RNF31: variants seen among roughly 807,000 people sequenced by gnomAD.
RNF31 encodes E3 ubiquitin-protein ligase RNF31.
A neutral mutation model predicts 133.6 loss-of-function variants in RNF31; 38 were observed. The ratio of observed to expected loss-of-function variants is 0.28; its 90% CI spans 0.22 to 0.37. RNF31 has a LOEUF of 0.37. RNF31 is among the 10% of genes least tolerant of loss of function. The pLI, the probability that RNF31 is intolerant of heterozygous loss-of-function variation, is 1.00. For missense variants in RNF31, 1,118 were observed against 1,394.1 expected (o/e 0.80, Z 3.15); for synonymous variants, 582 against 552.3 (o/e 1.05, Z -0.75).
At chr14:24,156,301 GTTTA>G (rs536973040) in intron 14 of RNF31, among the ~76,000 whole-genome samples, 4 of 152,090 alleles carry the variant, frequency 2.6e-5, no homozygotes, top group East Asian at 1.9e-4. Context: ...TTTATCTTTC[GTTTA>G]TTTATTTATT....
chr14:24,152,067 T>A, intron 11 of RNF31, 75 bp downstream of exon 11: 1 of 1,426,190 alleles, frequency 7.0e-7, no homozygotes. Flanking sequence ...CCAGTCTCCA[T>A]CTCTGATCCT....
rs751951347 is a variant in RNF31, at chr14:24,151,574, G to C, written c.1827G>C (p.Leu609=). The C allele has an allele frequency of 3.7e-6, 6 of 1,614,196 alleles. No individual in the cohort carries two copies. The highest frequency in any genetic ancestry group is 1.7e-5 in the Admixed American group (1 of 60,030). Residue 609 remains leucine (L), a synonymous_variant, in exon 10 of 21, where the codon CTG becomes CTC. Coordinates refer to ENST00000324103, the MANE Select transcript of RNF31 (RefSeq NM_017999.5). This position sits in a 1 kb window ranked among gnomAD's most constrained non-coding sequence, Gnocchi z 5.3. ...ACGGAGGTGATGTGTCACGGGCCCT[G>C]ACTGAGCTACAGCGCCAACGCCTAG... is the stretch of plus-strand genomic sequence containing the variant. ...FQHGGDVSRA[L]TELQRQRLEP...
rs1594373350 is a variant in RNF31, at chr14:24,148,074, T to C, written c.291T>C (p.Gly97=). The C allele has an allele frequency of 3.1e-6, 5 of 1,614,188 alleles. No individual in the cohort carries two copies. Among genetic ancestry groups the C allele is most frequent in the Non-Finnish European group, 4.2e-6 (5 of 1,180,030 alleles). ...LSPQRPRYWR[G]VKFNNPVFRS... is the part of the protein sequence containing the mutation. ...CTCAGCGGCCTCGGTACTGGCGTGG[T>C]GTCAAGTTTAATAACCCTGTCTTTC... The change falls in exon 2 of 21, where the codon GGT becomes GGC. Residue 97 remains glycine, a synonymous_variant. Transcript: ENST00000324103.
chr14:24,160,475 G>A lies in RNF31; in HGVS notation c.3166-45G>A. On this transcript the variant is annotated intron_variant, in intron 20 of 20. Coordinates refer to ENST00000324103, the MANE Select transcript of RNF31 (RefSeq NM_017999.5). The surrounding 1 kb of genome is among the most constrained non-coding windows in gnomAD (Gnocchi z 4.0). ...AAGTCACCTGGTGCTGACTGTGTCT[G>A]AGCTCCAGGCTTCCAATATCATTAC... 1.3e-6 allele frequency: 2 copies of A among 1,575,292 alleles called. No homozygotes were observed. Among genetic ancestry groups the A allele is most frequent in the South Asian group, 2.3e-5 (2 of 87,536 alleles).
intron 11 of RNF31, among the ~76,000 whole-genome samples, chr14:24,152,809 C>T (rs959295421): frequency 2.0e-5 from 3 of 152,296 alleles, no homozygotes; most frequent in East Asian, 1.9e-4. Context: ...AGGCTGGGCG[C>T]GGTGGCTCAC....
In RNF31 at chr14:24,150,135, CT is replaced by C; in HGVS notation, c.885del (p.Asn296IlefsTer17). The C allele has an allele frequency of 6.2e-7, 1 of 1,612,580 alleles. No individual in the cohort carries two copies. Among genetic ancestry groups the C allele is most frequent in the Non-Finnish European group, 8.5e-7 (1 of 1,178,788 alleles). Reference sequence around the variant, plus strand: ...CTGGGAGACAGCTCTCTTTCTTCCCCTAATCCTGCAAGTGCTCATTTGCCCT... The same window carrying C: ...CTGGGAGACAGCTCTCTTTCTTCCCCAATCCTGCAAGTGCTCATTTGCCCT... ...LALGDSSLSS[P>X]NPASAHLPWH... On this transcript the variant is annotated frameshift_variant, in exon 7 of 21. Coordinates refer to ENST00000324103, the MANE Select transcript of RNF31 (RefSeq NM_017999.5). LOFTEE classifies it high-confidence loss of function.
At position 24,155,795 on chromosome 14, in the gene RNF31, T is replaced by C. The variant is rs1204528895; in HGVS notation, c.2493+103T>C. ...ACTGGAGAGCAAAACAGACATGAGC[T>C]CTGAGGTCAAAAGAGCTTACAGACT... On this transcript the variant is annotated intron_variant, in intron 14 of 20. Transcript: ENST00000324103. The surrounding 1 kb of genome is among the most constrained non-coding windows in gnomAD (Gnocchi z 4.9). 3.1e-6 allele frequency: 3 copies of C among 958,702 alleles called. No homozygotes were observed. The Admixed American group carries it at 5.6e-5, about 18-fold the overall frequency. 59.4% of individuals were successfully genotyped at this position (958,702 alleles called of 1,614,324 possible). A position where few individuals can be genotyped will look rare whatever the true frequency, so the allele number is the denominator to read the frequency against.
intron 6 of RNF31, 34 bp from the exon 7 acceptor site, chr14:24,150,027 A>C: frequency 6.6e-7 from 1 of 1,521,196 alleles, no homozygotes. Context: ...ACCAGGTGCC[A>C]CTTCAGCAGG....
Position 24,155,419 on chromosome 14 carries a change from C to A in RNF31, c.2310C>A (p.Arg770=), listed in dbSNP as rs371618769. Reference sequence around the variant, plus strand: ...CCTCTGCATCCTGTCCCCAGCTTCGCGAGAGCCTAGAGCCAGATGCCTATG... The same window carrying A: ...CCTCTGCATCCTGTCCCCAGCTTCGAGAGAGCCTAGAGCCAGATGCCTATG... ...SYFSTLDIQL[R]ESLEPDAYAL... The change falls in exon 13 of 21, where the codon CGC becomes CGA. Residue 770 remains arginine (R), a synonymous_variant. Coordinates refer to ENST00000324103, the MANE Select transcript of RNF31 (RefSeq NM_017999.5). The surrounding 1 kb of genome is among the most constrained non-coding windows in gnomAD (Gnocchi z 4.9). The A allele has an allele frequency of 8.1e-6, 13 of 1,614,068 alleles. No individual in the cohort carries two copies. In the African/African-American group the frequency reaches 1.2e-4, roughly 15 times the overall value.
At position 24,151,196 on chromosome 14, in the gene RNF31, G is replaced by A. The variant is rs771303160; in HGVS notation, c.1554G>A (p.Glu518=). The change falls in exon 9 of 21, where the codon GAG becomes GAA. Residue 518 remains glutamate (E), a synonymous_variant. Coordinates refer to ENST00000324103, the MANE Select transcript of RNF31 (RefSeq NM_017999.5). This position sits in a 1 kb window ranked among gnomAD's most constrained non-coding sequence, Gnocchi z 5.3. ...IFSALQYSGT[E]VPLQWLRSEL... is the part of the protein sequence containing the mutation. ...CGGCTCTGCAGTACTCGGGCACTGAGGTGCCTCTGCAGTGGTTGCGCTCAG... is the reference window on the plus strand; with the variant it reads ...CGGCTCTGCAGTACTCGGGCACTGAAGTGCCTCTGCAGTGGTTGCGCTCAG... The A allele has an allele frequency of 3.1e-6, 5 of 1,614,066 alleles. No homozygotes were observed. Among genetic ancestry groups the A allele is most frequent in the Admixed American group, 1.7e-5 (1 of 60,010 alleles).
rs1484865838 is a variant in RNF31, at chr14:24,160,093, A to G, written c.2996+133A>G. On this transcript the variant is annotated intron_variant, in intron 19 of 20. Coordinates refer to ENST00000324103, the MANE Select transcript of RNF31 (RefSeq NM_017999.5). This position sits in a 1 kb window ranked among gnomAD's most constrained non-coding sequence, Gnocchi z 4.0. The stretch of plus-strand genomic sequence containing the variant: ...TGGGAGGGAGGAGGCTTTCTGGGCA[A>G]GGGCATGGGTAGATAGTAGCAGGCA... 2 of 1,316,972 alleles carry G rather than the reference A, an allele frequency of 1.5e-6. No individual in the cohort carries two copies. The highest frequency in any genetic ancestry group is 2.1e-6 in the Non-Finnish European group (2 of 946,868). The allele number at this position is 1,316,972 out of a possible 1,614,324, so 81.6% of individuals were successfully genotyped here.
Position 24,150,706 on chromosome 14 carries a change from A to G in RNF31, c.1306A>G (p.Ser436Gly). The change falls in exon 8 of 21, where the codon AGT becomes GGT. Residue 436 changes from serine (S) to glycine (G), a missense_variant. Around this residue, in one of 3 missense-constraint regions of RNF31, gnomAD observed 747 missense variants for 827.9 expected, o/e 0.90. Transcript: ENST00000324103. The part of the protein sequence containing the change: ...GWVCVMCNRT[S>G]SPIPAQHAPR... ...GGTGTGTGTTATGTGCAACCGGACTAGTAGCCCCATTCCAGCACAACATGC... is the reference window on the plus strand; with the variant it reads ...GGTGTGTGTTATGTGCAACCGGACTGGTAGCCCCATTCCAGCACAACATGC... The G allele has an allele frequency of 2.5e-6, 4 of 1,614,184 alleles. No homozygotes were observed. The highest frequency in any genetic ancestry group is 3.4e-6 in the Non-Finnish European group (4 of 1,180,016).
chr14:24,148,118 T>G lies in RNF31; in HGVS notation c.335T>G (p.Val112Gly). The change falls in exon 2 of 21, where the codon GTG becomes GGG. Residue 112 changes from valine to glycine, a missense_variant. By Grantham distance (109) the Val-to-Gly change is moderately radical (BLOSUM62 -3). This residue lies in a region of RNF31 where 747 missense variants were observed against 827.9 expected (regional missense o/e 0.90). Transcript: ENST00000324103. Reference sequence around the variant, plus strand: ...GTCTTTCGCAGCACGGTGGATGCTGTGCAGGTGAATCCCCTGGCCTTATGG... The same window carrying G: ...GTCTTTCGCAGCACGGTGGATGCTGGGCAGGTGAATCCCCTGGCCTTATGG... Reference protein sequence around the residue: ...NPVFRSTVDAVQGGRDVLRLY... With the variant: ...NPVFRSTVDAGQGGRDVLRLY... The G allele has an allele frequency of 6.2e-7, 1 of 1,614,184 alleles. No individual in the cohort carries two copies. The highest frequency in any genetic ancestry group is 8.5e-7 in the Non-Finnish European group (1 of 1,180,038).
In RNF31 at chr14:24,155,339, G is replaced by C; in HGVS notation, c.2304+9G>C. Reference sequence around the variant, plus strand: ...CTACCCTTGACATCCAGGTACTGCAGCCCCTCTAGGACTCAGGTACCCTGA... The same window carrying C: ...CTACCCTTGACATCCAGGTACTGCACCCCCTCTAGGACTCAGGTACCCTGA... On this transcript the variant is annotated intron_variant, in intron 12 of 20. Transcript: ENST00000324103. The surrounding 1 kb of genome is among the most constrained non-coding windows in gnomAD (Gnocchi z 4.9). 6.2e-7 allele frequency: 1 copy of C among 1,614,174 alleles called. No individual in the cohort carries two copies. Among genetic ancestry groups the C allele is most frequent in the Non-Finnish European group, 8.5e-7 (1 of 1,180,032 alleles).
In RNF31 at chr14:24,157,530, A is replaced by G; in HGVS notation, c.2619A>G (p.Lys873=). ...TCTTGTCCTTTGCAGACTGCCCCAAATGCAAGTTCTCGTACGCCCTGGCCC... is the reference window on the plus strand; with the variant it reads ...TCTTGTCCTTTGCAGACTGCCCCAAGTGCAAGTTCTCGTACGCCCTGGCCC... ...YLQENGIDCP[K]CKFSYALARG... Residue 873 remains lysine (K), a synonymous_variant, in exon 16 of 21, where the codon AAA becomes AAG. Coordinates refer to ENST00000324103, the MANE Select transcript of RNF31 (RefSeq NM_017999.5). The G allele has an allele frequency of 1.9e-6, 3 of 1,614,112 alleles. No homozygotes were observed. The highest frequency in any genetic ancestry group is 2.5e-6 in the Non-Finnish European group (3 of 1,179,994).
rs760681841 is a variant in RNF31, at chr14:24,159,949, C to T, written c.2985C>T (p.Ala995=). Residue 995 remains alanine, a synonymous_variant, in exon 19 of 21, where the codon GCC becomes GCT. Coordinates refer to ENST00000324103, the MANE Select transcript of RNF31 (RefSeq NM_017999.5). ...GCAAGGAAACTCCAGCTGGCTATGCCGGCCTGTGCCAGTGAGTGCCAGCAG... is the reference window on the plus strand; with the variant it reads ...GCAAGGAAACTCCAGCTGGCTATGCTGGCCTGTGCCAGTGAGTGCCAGCAG... ...ACGKETPAGY[A]GLCQAHYKEY... The T allele has an allele frequency of 5.0e-6, 8 of 1,613,552 alleles. No individual in the cohort carries two copies. Among genetic ancestry groups the T allele is most frequent in the Non-Finnish European group, 4.2e-6 (5 of 1,179,948 alleles).
chr14:24,149,318 G>C (rs934430520), intron 5 of RNF31, 88 bp from the exon 6 acceptor site: 2 of 1,325,634 alleles, frequency 1.5e-6, no homozygotes, highest in Non-Finnish European at 2.1e-6. Context: ...TGTTTAAAAA[G>C]TAGTCTTGTG....
rs752588803 is a variant in RNF31 at position 24,150,370 on chromosome 14, T to C, written c.1119T>C (p.Cys373=). 3.1e-6 allele frequency: 5 copies of C among 1,613,706 alleles called. No homozygotes were observed. The East Asian group carries it at 1.1e-4, about 36-fold the overall frequency. Residue 373 remains cysteine (C), a synonymous_variant, in exon 7 of 21, where the codon TGT becomes TGC. Transcript: ENST00000324103. ...NEAAAVLCSI[C]ERPRLAQPPS... ...CAGCTGCTGTGCTATGTTCCATATG[T>C]GAGCGACCTCGGCTGGCCCAGCCTC... is the stretch of plus-strand genomic sequence containing the variant.
rs547379151 is a variant in RNF31 at position 24,148,787 on chromosome 14, C to G, written c.556-14C>G. 1.2e-6 allele frequency: 2 copies of G among 1,614,072 alleles called. No individual in the cohort carries two copies. Among genetic ancestry groups the G allele is most frequent in the African/African-American group, 1.3e-5 (1 of 75,018 alleles). Reference sequence around the variant, plus strand: ...CCCTAAACCCTTATTCATTCCCTGCCCTTTCTTTTTCAGATGCTGCAGCTT... The same window carrying G: ...CCCTAAACCCTTATTCATTCCCTGCGCTTTCTTTTTCAGATGCTGCAGCTT... On this transcript the variant is annotated splice_polypyrimidine_tract_variant and intron_variant, in intron 4 of 20. Coordinates refer to ENST00000324103, the MANE Select transcript of RNF31 (RefSeq NM_017999.5).
Sources: gnomAD v4.1 joint callset for allele counts (sites outside exome capture counted in the v4.1 genomes callset) on GRCh38, gnomAD v4.1.1 for gene constraint, gnomAD v4.1.1 regional missense constraint, Gnocchi (gnomAD v3.1) non-coding constraint, MANE v1.5 for transcripts, NCBI Gene and HGNC (gene_info 2026-07-23, HGNC 2026-07-21) for gene names.